ETNK1: variants seen among roughly 807,000 people sequenced by gnomAD.
ETNK1 encodes ethanolamine kinase 1.
Under a neutral mutation model 45.1 loss-of-function variants are expected in ETNK1, and 8 were observed. That is an observed-to-expected ratio of 0.18 (90% CI 0.10 to 0.32). The LOEUF (loss-of-function observed/expected upper bound fraction) is 0.32, where lower values mean the gene tolerates loss of function less well. Among genes scored for constraint, ETNK1 ranks in the 10% least tolerant of loss-of-function variants. The probability of loss-of-function intolerance (pLI) is 1.00; values close to 1 mark genes in which losing one functional copy is unlikely to be tolerated. For synonymous variants in ETNK1, 152 were observed against 151.9 expected (o/e 1.00, Z -0.01); for missense variants, 302 against 430.6 (o/e 0.70, Z 2.64).
chr12:22,681,468 C>T (rs1954215123), intron 6 of ETNK1, among the ~76,000 whole-genome samples: 1 of 151,954 alleles, frequency 6.6e-6, no homozygotes. Context: ...GATTTTATAT[C>T]AGCGTAAAAT....
chr12:22,674,458 A>G lies in ETNK1; in HGVS notation c.945+798A>G, dbSNP rs554851842. On this transcript the variant is annotated intron_variant, in intron 6 of 7. Transcript: ENST00000266517. ...AAGTACCATATGCCCAGAGTTACTC[A>G]GAATACATCCCAAGTAAGAAGGTGT... is the stretch of plus-strand genomic sequence containing the variant. Among the ~76,000 whole-genome samples, 8 of 152,346 alleles carry G rather than the reference A, an allele frequency of 5.3e-5. No individual in the cohort carries two copies. In the South Asian group the frequency reaches 1.7e-3, roughly 32 times the overall value.
intron 4 of ETNK1, among the ~76,000 whole-genome samples, chr12:22,662,107 A>C: frequency 8.2e-6 from 1 of 122,448 alleles, no homozygotes; most frequent in Admixed American, 9.0e-5. Flanking sequence ...CACTCTTGTC[A>C]CCCAGGCTGG....
chr12:22,652,430 CA>C (rs1167759795), intron 2 of ETNK1, among the ~76,000 whole-genome samples: 1 of 152,150 alleles, frequency 6.6e-6, no homozygotes, highest in Admixed American at 6.5e-5. Context: ...GAGGAACCAC[CA>C]TACTGTTTTC....
chr12:22,635,655 A>G (rs1046855387), intron 1 of ETNK1, among the ~76,000 whole-genome samples: 1 of 152,118 alleles, frequency 6.6e-6, no homozygotes, highest in African/African-American at 2.4e-5. Context: ...CATTTTACAT[A>G]TGTATTTGAT....
intron 2 of ETNK1, among the ~76,000 whole-genome samples, chr12:22,646,187 G>A (rs944685844): frequency 2.0e-5 from 3 of 151,686 alleles, no homozygotes; most frequent in African/African-American, 7.3e-5. Flanking sequence ...TAATTCCTAT[G>A]GCATTTCTTA....
intron 1 of ETNK1, among the ~76,000 whole-genome samples, chr12:22,637,591 G>A (rs1015690798): frequency 2.6e-5 from 4 of 152,170 alleles, no homozygotes; most frequent in Admixed American, 1.3e-4. Context: ...TGCTGACTTG[G>A]ATTCCTATTC....
chr12:22,680,983 G>T (rs1240728958), intron 6 of ETNK1, among the ~76,000 whole-genome samples: 1 of 147,044 alleles, frequency 6.8e-6, no homozygotes, highest in Non-Finnish European at 1.5e-5. Flanking sequence ...TGCAACAGGG[G>T]TAAGTAGTCT....
chr12:22,674,369 TTGTTG>T (rs1406273134), intron 6 of ETNK1, among the ~76,000 whole-genome samples: 1 of 152,190 alleles, frequency 6.6e-6, no homozygotes, highest in Non-Finnish European at 1.5e-5. Context: ...TGGGAAATAT[TTGTTG>T]TGTTGTCTCT....
chr12:22,682,984 A>T (rs1954227234), intron 6 of ETNK1, among the ~76,000 whole-genome samples: 1 of 152,110 alleles, frequency 6.6e-6, no homozygotes, highest in Non-Finnish European at 1.5e-5. Context: ...CATTTTTGAA[A>T]ATCTTTATCA....
At chr12:22,659,231 G>C in intron 3 of ETNK1, 77 bp downstream of exon 3, 4 of 1,384,270 alleles carry the variant, frequency 2.9e-6, no homozygotes, top group Non-Finnish European at 3.9e-6. Flanking sequence ...TAATTGTAAA[G>C]TTTCATTGTA....
At chr12:22,631,788 A>G (rs1276309129) in intron 1 of ETNK1, among the ~76,000 whole-genome samples, 2 of 152,164 alleles carry the variant, frequency 1.3e-5, no homozygotes, top group African/African-American at 4.8e-5. Flanking sequence ...AAGATAGGGA[A>G]GTAGTAGAAG....
At chr12:22,646,225 A>G (rs537237020) in intron 2 of ETNK1, among the ~76,000 whole-genome samples, 21 of 151,994 alleles carry the variant, frequency 1.4e-4, no homozygotes, top group Admixed American at 6.6e-4. Context: ...GTCACTATAA[A>G]ACAGAAAATA....
chr12:22,638,824 A>AT (rs1357542850), intron 1 of ETNK1: 2 of 152,118 alleles, frequency 1.3e-5, no homozygotes, highest in African/African-American at 4.8e-5. Flanking sequence ...TATTTGCTTC[A>AT]TTTTTTAACC....
intron 1 of ETNK1, among the ~76,000 whole-genome samples, chr12:22,634,071 A>G: frequency 6.6e-6 from 1 of 152,102 alleles, no homozygotes; most frequent in East Asian, 1.9e-4. Context: ...TAGGTATGAT[A>G]TATGCTATAG....
At chr12:22,636,584 A>G (rs568685919) in intron 1 of ETNK1, among the ~76,000 whole-genome samples, 35 of 152,188 alleles carry the variant, frequency 2.3e-4, no homozygotes, top group African/African-American at 7.2e-4. Flanking sequence ...TTCCTTCTCT[A>G]TGTCTTTTGT....
At chr12:22,665,399 T>G (rs1954044616) in intron 4 of ETNK1, among the ~76,000 whole-genome samples, 2 of 152,216 alleles carry the variant, frequency 1.3e-5, no homozygotes, top group Non-Finnish European at 2.9e-5. Context: ...TTGCTTTATT[T>G]GTAACTTAGA....
In ETNK1 at chr12:22,685,178, C is replaced by A; in HGVS notation, c.*224C>A. ...GTGGTGGATTAGAAATGTGTTAAAT[C>A]TGCAAAAGGTATAAAGATGTCAGTT... On this transcript the variant is annotated 3_prime_UTR_variant, in exon 8 of 8. Coordinates refer to ENST00000266517, the MANE Select transcript of ETNK1 (RefSeq NM_018638.5). 1 of 401,142 alleles carries A rather than the reference C, an allele frequency of 2.5e-6. No individual in the cohort carries two copies. Among genetic ancestry groups the A allele is most frequent in the Non-Finnish European group, 4.5e-6 (1 of 223,314 alleles). 24.8% of individuals were successfully genotyped at this position (401,142 alleles called of 1,614,324 possible).
chr12:22,671,395 AT>A, intron 5 of ETNK1, 40 bp downstream of exon 5: 1 of 1,210,926 alleles, frequency 8.3e-7, no homozygotes, highest in Non-Finnish European at 1.2e-6. Context: ...TTGAAACGAT[AT>A]TTTCAGAATA....
At chr12:22,674,959 C>G (rs10842048) in intron 6 of ETNK1, among the ~76,000 whole-genome samples, 2 of 152,022 alleles carry the variant, frequency 1.3e-5, no homozygotes, top group South Asian at 2.1e-4. Context: ...AAAAAATGCA[C>G]TCTTTCAAAA....
Sources: gnomAD v4.1 joint callset for allele counts (sites outside exome capture counted in the v4.1 genomes callset) on GRCh38, gnomAD v4.1.1 for gene constraint, MANE v1.5 for transcripts, NCBI Gene and HGNC (gene_info 2026-07-23, HGNC 2026-07-21) for gene names.